TRIM27: variants seen among roughly 807,000 people sequenced by gnomAD.
TRIM27 encodes zinc finger protein RFP.
A neutral mutation model predicts 57.6 loss-of-function variants in TRIM27; 12 were observed. The ratio of observed to expected loss-of-function variants is 0.21; its 90% CI spans 0.13 to 0.34. TRIM27 has a LOEUF of 0.34. TRIM27 is among the 10% of genes least tolerant of loss of function. The pLI is 1.00. For synonymous variants in TRIM27, 266 were observed against 259.0 expected (o/e 1.03, Z -0.26); for missense variants, 403 against 656.8 (o/e 0.61, Z 4.22).
At chr6:28,916,086 T>TTTGTATTTTTAGTA (rs1773579261) in intron 3 of TRIM27, among the ~76,000 whole-genome samples, 1 of 151,818 alleles carries the variant, frequency 6.6e-6, no homozygotes, top group Non-Finnish European at 1.5e-5. Context: ...CTGGCTAATT[T>TTTGTATTTTTAGTA]TTGTATTTTT....
chr6:28,904,439 T>A lies in TRIM27; in HGVS notation c.1173A>T (p.Ser391=), dbSNP rs762892632. 2 of 1,612,974 alleles carry A rather than the reference T, an allele frequency of 1.2e-6. No homozygotes were observed. The highest frequency in any genetic ancestry group is 1.7e-6 in the Non-Finnish European group (2 of 1,180,046). The change falls in exon 8 of 8, where the codon TCA becomes TCT. Residue 391 remains serine (S), a synonymous_variant. Coordinates refer to ENST00000377199, the MANE Select transcript of TRIM27 (RefSeq NM_006510.5). The surrounding 1 kb of genome is among the most constrained non-coding windows in gnomAD (Gnocchi z 6.1). ...AKWTIGVCED[S]VCRKGGVTSA... ...AGGTTACTCCACCTTTTCTGCACACTGAGTCTTCACAGACACCTATGGTCC... is the reference window on the plus strand; with the variant it reads ...AGGTTACTCCACCTTTTCTGCACACAGAGTCTTCACAGACACCTATGGTCC...
At chr6:28,907,681 A>G (rs1433389156) in intron 6 of TRIM27, 2 of 457,714 alleles carry the variant, frequency 4.4e-6, no homozygotes, top group East Asian at 4.7e-5. Context: ...TGGGGTAAAC[A>G]TGACCATTCA....
At chr6:28,906,499 T>G (rs984629241) in intron 7 of TRIM27, 1 of 152,174 alleles carries the variant, frequency 6.6e-6, no homozygotes, top group Non-Finnish European at 1.5e-5. Flanking sequence ...AAGAGTAGGA[T>G]GACTTATGCT....
chr6:28,919,552 A>C (rs560215122), intron 3 of TRIM27, among the ~76,000 whole-genome samples: 5 of 152,310 alleles, frequency 3.3e-5, no homozygotes, highest in African/African-American at 9.6e-5. Flanking sequence ...ACCAAGGTTA[A>C]ATCACAGGAC....
In TRIM27 at chr6:28,904,558, C is replaced by G. The variant is rs746537125; in HGVS notation, c.1054G>C (p.Glu352Gln). The change falls in exon 8 of 8, where the codon GAG becomes CAG. Residue 352 changes from glutamate to glutamine, a missense_variant. Glu to Gln is a conservative substitution (Grantham distance 29). Coordinates refer to ENST00000377199, the MANE Select transcript of TRIM27 (RefSeq NM_006510.5). The surrounding 1 kb of genome is among the most constrained non-coding windows in gnomAD (Gnocchi z 6.1). ...YLQQDLPDNP[E>Q]RFNLFPCVLG... ...ACACAGGGAAACAGATTGAACCTCT[C>G]GGGGTTGTCAGGCAGGTCCTGTTGG... The G allele has an allele frequency of 3.7e-6, 6 of 1,612,120 alleles. No homozygotes were observed. The highest frequency in any genetic ancestry group is 5.1e-6 in the Non-Finnish European group (6 of 1,180,020).
chr6:28,915,008 C>G (rs1046803704), intron 3 of TRIM27: 2 of 151,552 alleles, frequency 1.3e-5, no homozygotes, highest in African/African-American at 4.8e-5. Flanking sequence ...AATTTGTATA[C>G]CTATAATTAT....
intron 3 of TRIM27, among the ~76,000 whole-genome samples, chr6:28,913,295 G>GT (rs1180503987): frequency 6.9e-6 from 1 of 145,534 alleles, no homozygotes; most frequent in Non-Finnish European, 1.5e-5. Context: ...TATAATATAC[G>GT]TATGTATATG....
chr6:28,918,608 T>C lies in TRIM27; in HGVS notation c.747+1404A>G, dbSNP rs569155267. Among the ~76,000 whole-genome samples the C allele has an allele frequency of 7.9e-5, 12 of 152,346 alleles. No homozygotes were observed. The South Asian group carries it at 1.4e-3, about 18-fold the overall frequency. On this transcript the variant is annotated intron_variant, in intron 3 of 7. Coordinates refer to ENST00000377199, the MANE Select transcript of TRIM27 (RefSeq NM_006510.5). ...AAAAATGTAAACTGGCCTGACGCTG[T>C]GGCTCACACTTGTAATCCCAACACT...
chr6:28,921,826 G>GT, intron 2 of TRIM27, 66 bp downstream of exon 2: 1 of 1,313,910 alleles, frequency 7.6e-7, no homozygotes, highest in Admixed American at 1.7e-5. Context: ...TTTAAGGGAA[G>GT]TAACATCAGC....
intron 3 of TRIM27, among the ~76,000 whole-genome samples, chr6:28,913,265 A>T (rs1441845674): frequency 1.4e-4 from 20 of 139,544 alleles, no homozygotes; most frequent in African/African-American, 2.8e-4. Flanking sequence ...CAAAAAAAAA[A>T]AAAAATATAT....
chr6:28,912,170 C>T (rs546661141), intron 3 of TRIM27, among the ~76,000 whole-genome samples: 10 of 147,530 alleles, frequency 6.8e-5, no homozygotes, highest in African/African-American at 2.5e-4. Context: ...AGTGCAATGG[C>T]GCGATCTTGG....
intron 3 of TRIM27, among the ~76,000 whole-genome samples, chr6:28,913,596 C>T (rs1443339732): frequency 6.6e-6 from 1 of 151,988 alleles, no homozygotes; most frequent in Non-Finnish European, 1.5e-5. Flanking sequence ...TCCGACACTT[C>T]GTCAAAAGTG....
intron 3 of TRIM27, among the ~76,000 whole-genome samples, chr6:28,916,407 C>T (rs968440214): frequency 6.6e-6 from 1 of 151,748 alleles, no homozygotes; most frequent in Non-Finnish European, 1.5e-5. Flanking sequence ...ACAAAATTAG[C>T]CAGGGGTGGT....
rs748829373 is a variant in TRIM27 at position 28,909,042 on chromosome 6, A to T, written c.817T>A (p.Leu273Met). The change falls in exon 5 of 8, where the codon TTG becomes ATG. Residue 273 changes from leucine to methionine, a missense_variant. Coordinates refer to ENST00000377199, the MANE Select transcript of TRIM27 (RefSeq NM_006510.5). ...GCAAAAATGTGGATTTTCTCTTGCAAATCTGGAGGTGTGATCCAAGGTTCA... is the reference window on the plus strand; with the variant it reads ...GCAAAAATGTGGATTTTCTCTTGCATATCTGGAGGTGTGATCCAAGGTTCA... ...IPEPWITPPD[L>M]QEKIHIFAQK... is the part of the protein sequence containing the mutation. The T allele has an allele frequency of 1.2e-6, 2 of 1,614,142 alleles. No homozygotes were observed. The highest frequency in any genetic ancestry group is 1.7e-6 in the Non-Finnish European group (2 of 1,180,026).
rs924776252 is a variant in TRIM27 at position 28,923,966 on chromosome 6, G to A, written c.-334C>T. On this transcript the variant is annotated 5_prime_UTR_variant, in exon 1 of 8. Coordinates refer to ENST00000377199, the MANE Select transcript of TRIM27 (RefSeq NM_006510.5). ...CGCAAGACAACGTGGCCGCGTCCGA[G>A]CGGATGCCGGCGGCAGCGTAAACCC... The A allele has an allele frequency of 3.5e-5, 12 of 344,996 alleles. No homozygotes were observed. The highest frequency in any genetic ancestry group is 5.2e-5 in the Non-Finnish European group (10 of 192,146). 21.4% of individuals were successfully genotyped at this position (344,996 alleles called of 1,614,324 possible). A position where few individuals can be genotyped will look rare whatever the true frequency, so the allele number is the denominator to read the frequency against.
rs1430421133 is a variant in TRIM27 at position 28,904,406 on chromosome 6, G to C, written c.1206C>G (p.Pro402=). The C allele has an allele frequency of 1.2e-6, 2 of 1,613,042 alleles. No homozygotes were observed. Among genetic ancestry groups the C allele is most frequent in the Non-Finnish European group, 1.7e-6 (2 of 1,180,032 alleles). ...VCRKGGVTSA[P]QNGFWAVSLW... is the part of the protein sequence containing the mutation. ...AAGACACTGCCCAGAATCCATTCTG[G>C]GGGGCTGAGGTTACTCCACCTTTTC... is the stretch of plus-strand genomic sequence containing the variant. Residue 402 remains proline (P), a synonymous_variant, in exon 8 of 8, where the codon CCC becomes CCG. Transcript: ENST00000377199. The surrounding 1 kb of genome is among the most constrained non-coding windows in gnomAD (Gnocchi z 6.1).
chr6:28,904,229 G>A lies in TRIM27; in HGVS notation c.1383C>T (p.Phe461=), dbSNP rs756821525. The A allele has an allele frequency of 1.2e-6, 2 of 1,613,102 alleles. No homozygotes were observed. Among genetic ancestry groups the A allele is most frequent in the Admixed American group, 1.7e-5 (1 of 60,030 alleles). The stretch of plus-strand genomic sequence containing the variant: ...CAGGCCCACAAAAGGTAGCATGAGA[G>A]AAAGTGAAGGTGTGACACCTCTCTG... ...NVTERCHTFT[F]SHATFCGPVR... Residue 461 remains phenylalanine, a synonymous_variant, in exon 8 of 8, where the codon TTC becomes TTT. Transcript: ENST00000377199. The surrounding 1 kb of genome is among the most constrained non-coding windows in gnomAD (Gnocchi z 6.1).
In TRIM27 at chr6:28,920,209, A is replaced by C; in HGVS notation, c.550T>G (p.Trp184Gly). 1 of 1,612,554 alleles carries C rather than the reference A, an allele frequency of 6.2e-7. No homozygotes were observed. ...GAGTGATACAGCTGCTCAAACTCCCAAACAATCTTCTCCCTCTCCATCTGG... is the reference window on the plus strand; with the variant it reads ...GAGTGATACAGCTGCTCAAACTCCCCAACAATCTTCTCCCTCTCCATCTGG... ...LTQMEREKIV[W>G]EFEQLYHSLK... is the part of the protein sequence containing the mutation. Residue 184 changes from tryptophan (W) to glycine (G), a missense_variant, in exon 3 of 8, where the codon TGG becomes GGG. Physicochemically the swap from Trp to Gly is radical, Grantham distance 184 (BLOSUM62 -2). Coordinates refer to ENST00000377199, the MANE Select transcript of TRIM27 (RefSeq NM_006510.5).
chr6:28,909,995 GA>G (rs1312862123), intron 4 of TRIM27, among the ~76,000 whole-genome samples: 3 of 151,950 alleles, frequency 2.0e-5, no homozygotes, highest in Admixed American at 6.6e-5. Context: ...AACATGACAG[GA>G]AACAGTGGCT....
Sources: gnomAD v4.1 joint callset for allele counts (sites outside exome capture counted in the v4.1 genomes callset) on GRCh38, gnomAD v4.1.1 for gene constraint, Gnocchi (gnomAD v3.1) non-coding constraint, MANE v1.5 for transcripts, NCBI Gene and HGNC (gene_info 2026-07-23, HGNC 2026-07-21) for gene names.